Variants in ZNF385D observed in about 807,000 individuals in gnomAD.
The protein encoded by ZNF385D is zinc finger protein 385D.
ZNF385D carries 15 observed loss-of-function variants against 35.8 expected under a neutral mutation model. The observed-to-expected ratio is 0.42, with a 90% confidence interval of 0.28 to 0.64. The LOEUF (loss-of-function observed/expected upper bound fraction) is 0.64. Ranked by LOEUF, ZNF385D falls within the 30% of genes least tolerant of loss-of-function variation. The probability of loss-of-function intolerance (pLI) is 0.23; values close to 1 mark genes in which losing one functional copy is unlikely to be tolerated. For synonymous variants in ZNF385D, 212 were observed against 186.8 expected (o/e 1.13, Z -1.10); for missense variants, 474 against 494.6 (o/e 0.96, Z 0.39).
intron 3 of ZNF385D, among the ~76,000 whole-genome samples, chr3:22,027,827 T>C (rs1436085066): frequency 6.6e-6 from 1 of 152,086 alleles, no homozygotes; most frequent in Admixed American, 6.6e-5. Flanking sequence ...AATGGCCTCA[T>C]GGGGGGTTCT....
chr3:22,123,962 C>CTCTCTCTCTCTCTATATA (rs1491571691), intron 3 of ZNF385D, among the ~76,000 whole-genome samples: 2 of 61,838 alleles, frequency 3.2e-5, no homozygotes, highest in African/African-American at 1.2e-4. Context: ...CTCTCTCTCT[C>CTCTCTCTCTCTCTATATA]TATATATATA....
At chr3:21,741,056 C>A (rs1183476945) in intron 1 of ZNF385D, among the ~76,000 whole-genome samples, 1 of 144,352 alleles carries the variant, frequency 6.9e-6, no homozygotes, top group African/African-American at 2.5e-5. Flanking sequence ...GTGCCTGGCA[C>A]AGCAGGCATT....
At chr3:21,736,866 T>A (rs1253322144) in intron 1 of ZNF385D, among the ~76,000 whole-genome samples, 1 of 152,246 alleles carries the variant, frequency 6.6e-6, no homozygotes, top group East Asian at 1.9e-4. Context: ...TAGAAATTCA[T>A]CAATAAAAAA....
intron 1 of ZNF385D, among the ~76,000 whole-genome samples, chr3:21,693,887 T>TTTC (rs1458354619): frequency 6.8e-6 from 1 of 146,834 alleles, no homozygotes; most frequent in African/African-American, 2.5e-5. Context: ...TTTTTCTTTT[T>TTTC]TTTTTTTTTT....
At chr3:21,460,274 A>G (rs1023972829) in intron 4 of ZNF385D, among the ~76,000 whole-genome samples, 2 of 152,184 alleles carry the variant, frequency 1.3e-5, no homozygotes, top group Non-Finnish European at 2.9e-5. Flanking sequence ...AATTTGAAGA[A>G]GACTGCTTTT....
At chr3:21,707,144 C>A (rs1307264916) in intron 1 of ZNF385D, among the ~76,000 whole-genome samples, 3 of 151,908 alleles carry the variant, frequency 2.0e-5, no homozygotes, top group Non-Finnish European at 4.4e-5. Context: ...AATCACACTG[C>A]CAGGAGAAAA....
chr3:22,122,642 G>T (rs1029604110), intron 3 of ZNF385D, among the ~76,000 whole-genome samples: 2 of 152,086 alleles, frequency 1.3e-5, no homozygotes, highest in African/African-American at 4.8e-5. Flanking sequence ...AGGGTTTCTT[G>T]AATAATAAGT....
intron 3 of ZNF385D, among the ~76,000 whole-genome samples, chr3:22,129,726 A>G (rs1032818145): frequency 6.6e-6 from 1 of 151,988 alleles, no homozygotes; most frequent in South Asian, 2.1e-4. Flanking sequence ...TCAGGGTAAC[A>G]GGCTTCCTTC....
chr3:21,952,208 C>CA (rs1387978663), intron 3 of ZNF385D, among the ~76,000 whole-genome samples: 30 of 152,102 alleles, frequency 2.0e-4, no homozygotes, highest in Non-Finnish European at 2.7e-4. Context: ...ATTGACCCCT[C>CA]AGTAGGATAC....
chr3:21,682,768 AT>A (rs1365273257), intron 1 of ZNF385D, among the ~76,000 whole-genome samples: 2 of 149,548 alleles, frequency 1.3e-5, no homozygotes, highest in African/African-American at 4.9e-5. Flanking sequence ...GATAATTAAT[AT>A]TTAAGCTTTG....
chr3:22,092,168 C>A (rs1443340428), intron 3 of ZNF385D, among the ~76,000 whole-genome samples: 2 of 152,148 alleles, frequency 1.3e-5, no homozygotes, highest in South Asian at 4.1e-4. Flanking sequence ...TGAAAGTTCA[C>A]AATTTACTGC....
At chr3:22,317,490 C>G (rs1703965363) in intron 2 of ZNF385D, among the ~76,000 whole-genome samples, 1 of 152,022 alleles carries the variant, frequency 6.6e-6, no homozygotes, top group Non-Finnish European at 1.5e-5. Context: ...ACCTGTGGGA[C>G]TTTATCTACG....
intron 2 of ZNF385D, among the ~76,000 whole-genome samples, chr3:21,566,385 G>A (rs2063148251): frequency 6.6e-6 from 1 of 152,142 alleles, no homozygotes; most frequent in Admixed American, 6.5e-5. Flanking sequence ...AGCACTTTGG[G>A]AAGGCCGAGG....
chr3:21,829,239 AGAGT>A (rs1296704595), intron 3 of ZNF385D, among the ~76,000 whole-genome samples: 4 of 152,202 alleles, frequency 2.6e-5, no homozygotes, highest in African/African-American at 9.6e-5. Flanking sequence ...AGGGCAAAGG[AGAGT>A]GAGTAATTGG....
chr3:22,323,649 T>G (rs796359018), intron 2 of ZNF385D, among the ~76,000 whole-genome samples: 8 of 152,336 alleles, frequency 5.3e-5, no homozygotes, highest in African/African-American at 1.9e-4. Context: ...AAAATAAAAA[T>G]TATTAAAGCT....
At chr3:21,831,647 C>T (rs1559669658) in intron 3 of ZNF385D, among the ~76,000 whole-genome samples, 2 of 152,156 alleles carry the variant, frequency 1.3e-5, no homozygotes, top group African/African-American at 2.4e-5. Flanking sequence ...CTTGTAGAAG[C>T]ATAGATAATT....
At chr3:22,186,617 A>T (rs1695649687) in intron 2 of ZNF385D, among the ~76,000 whole-genome samples, 1 of 150,198 alleles carries the variant, frequency 6.7e-6, no homozygotes, top group African/African-American at 2.4e-5. Context: ...AAGTCTGTAT[A>T]CAAGGGGCAA....
At chr3:21,754,484 A>G (rs1240070097), upstream of ZNF385D, among the ~76,000 whole-genome samples, 1 of 152,080 alleles carries the variant, frequency 6.6e-6, no homozygotes, top group Non-Finnish European at 1.5e-5. Flanking sequence ...CCACTTACAT[A>G]TTTTGTATTA....
In ZNF385D at chr3:21,961,814, G is replaced by T. The variant is rs564795698; in HGVS notation, c.325+207003C>A. ...CATTTAGTGGGAGAGTGCACTGGAT[G>T]GGATGGGGAGCAACTCTGAAAGAAG... On this transcript the variant is annotated intron_variant, in intron 3 of 5. Transcript: ENST00000494108. Among the ~76,000 whole-genome samples, 25 of 152,188 alleles carry T rather than the reference G, an allele frequency of 1.6e-4. 1 individual carries two copies. The South Asian group carries it at 2.1e-3, about 13-fold the overall frequency.
Sources: allele counts gnomAD v4.1 joint callset (sites outside exome capture counted in the v4.1 genomes callset), GRCh38; gene constraint gnomAD v4.1.1; transcripts MANE v1.5; gene names NCBI Gene and HGNC (gene_info 2026-07-23, HGNC 2026-07-21).